LATS1: variants seen among roughly 807,000 people sequenced by gnomAD.
LATS1 encodes serine/threonine-protein kinase LATS1.
A neutral mutation model predicts 106.6 loss-of-function variants in LATS1; 25 were observed. That is an observed-to-expected ratio of 0.23 (90% CI 0.17 to 0.33). The LOEUF (loss-of-function observed/expected upper bound fraction) is 0.33, where lower values mean the gene tolerates loss of function less well. LATS1 is among the 10% of genes least tolerant of loss of function. The pLI is 1.00. For synonymous variants in LATS1, 465 were observed against 455.6 expected (o/e 1.02, Z -0.26); for missense variants, 1,040 against 1,382.6 (o/e 0.75, Z 3.93).
At chr6:149,684,807 T>C (rs1446798952) in intron 3 of LATS1, among the ~76,000 whole-genome samples, 1 of 152,136 alleles carries the variant, frequency 6.6e-6, no homozygotes, top group Non-Finnish European at 1.5e-5. Flanking sequence ...AGAGTAAATT[T>C]GAAGTATTCT....
rs549676035 is a variant in LATS1 at position 149,698,563 on chromosome 6, T to C, written c.348+3216A>G. On this transcript the variant is annotated intron_variant, in intron 2 of 7. Transcript: ENST00000543571. ...ACCCAGCCAGAAGTCTTTTTTTTTT[T>C]TTTTTGAGGCAGAGTCTCACTCTGT... Among the ~76,000 whole-genome samples the C allele has an allele frequency of 1.1e-4, 16 of 150,670 alleles. No individual in the cohort carries two copies. The South Asian group carries it at 2.5e-3, about 24-fold the overall frequency.
chr6:149,665,014 T>C (rs1781068895), intron 7 of LATS1, among the ~76,000 whole-genome samples: 1 of 152,148 alleles, frequency 6.6e-6, no homozygotes, highest in South Asian at 2.1e-4. Context: ...TAAGAGCCAG[T>C]ATGCACCTAA....
chr6:149,691,312 G>A (rs1197472528), intron 3 of LATS1, among the ~76,000 whole-genome samples: 1 of 152,164 alleles, frequency 6.6e-6, no homozygotes, highest in Non-Finnish European at 1.5e-5. Flanking sequence ...CCATCTGCAA[G>A]CCAAGGAGAA....
chr6:149,679,700 C>G (rs185270364), intron 5 of LATS1, among the ~76,000 whole-genome samples, 175 bp downstream of exon 5: 2 of 152,122 alleles, frequency 1.3e-5, no homozygotes, highest in African/African-American at 4.8e-5. Flanking sequence ...CTAGCACATT[C>G]TTTCATTTCA....
At chr6:149,697,015 T>C (rs533990709) in intron 2 of LATS1, 110 of 579,620 alleles carry the variant, frequency 1.9e-4, no homozygotes, top group African/African-American at 1.9e-3. Context: ...CTTTATGTTT[T>C]ATATAAACAT....
At chr6:149,707,899 CA>C (rs1182180174) in intron 1 of LATS1, among the ~76,000 whole-genome samples, 9 of 152,082 alleles carry the variant, frequency 5.9e-5, no homozygotes, top group African/African-American at 2.2e-4. Flanking sequence ...TTTTTAGAGA[CA>C]GGGGCTCACC....
At chr6:149,717,054 T>C (rs1784435613) in intron 1 of LATS1, among the ~76,000 whole-genome samples, 1 of 152,238 alleles carries the variant, frequency 6.6e-6, no homozygotes, top group Admixed American at 6.5e-5. Flanking sequence ...AAACTGGAGT[T>C]ATACAATATT....
intron 1 of LATS1, among the ~76,000 whole-genome samples, chr6:149,712,188 T>C (rs750144158): frequency 5.9e-5 from 9 of 152,022 alleles, no homozygotes; most frequent in Non-Finnish European, 1.3e-4. Context: ...AGGTGTCATG[T>C]TTCTTTTATT....
chr6:149,687,870 CCT>C (rs1214929818), intron 3 of LATS1, among the ~76,000 whole-genome samples: 35 of 148,894 alleles, frequency 2.4e-4, no homozygotes, highest in African/African-American at 7.9e-4. Flanking sequence ...ACTTGACCCT[CCT>C]CTTTTTTTTT....
rs777991422 is a variant in LATS1 at position 149,695,103 on chromosome 6, G to C, written c.467C>G (p.Ala156Gly). 10 of 1,608,406 alleles carry C rather than the reference G, an allele frequency of 6.2e-6. No individual in the cohort carries two copies. In the African/African-American group the frequency reaches 1.3e-4, roughly 22 times the overall value. Residue 156 changes from alanine to glycine, a missense_variant, in exon 3 of 8, where the codon GCC becomes GGC. Physicochemically the swap from Ala to Gly is moderately conservative, Grantham distance 60 (BLOSUM62 0). Transcript: ENST00000543571. Reference protein sequence around the residue: ...PRREQMAAAAARPINASMKPG... With the variant: ...PRREQMAAAAGRPINASMKPG... ...TTTCATGCTGGCATTAATAGGTCTG[G>C]CAGCTGCTGCAGCCATCTGCTCTCG...
chr6:149,718,024 C>A lies in LATS1; in HGVS notation c.-316G>T. ...TCCCAGGGGTCGTGAGGACCTGGCT[C>A]TCCCCTTAACACCAGGCCACCGCCG... is the stretch of plus-strand genomic sequence containing the variant. On this transcript the variant is annotated 5_prime_UTR_variant, in exon 1 of 8. Coordinates refer to ENST00000543571, the MANE Select transcript of LATS1 (RefSeq NM_004690.4). The A allele has an allele frequency of 2.8e-6, 1 of 351,578 alleles. No individual in the cohort carries two copies. Among genetic ancestry groups the A allele is most frequent in the Non-Finnish European group, 5.4e-6 (1 of 183,702 alleles). The allele number at this position is 351,578 out of a possible 1,614,324, so 21.8% of individuals were successfully genotyped here. A position where few individuals can be genotyped will look rare whatever the true frequency, so the allele number is the denominator to read the frequency against.
At chr6:149,705,804 T>C (rs1183018606) in intron 1 of LATS1, among the ~76,000 whole-genome samples, 7 of 151,932 alleles carry the variant, frequency 4.6e-5, no homozygotes, top group African/African-American at 1.7e-4. Flanking sequence ...TATAAATATA[T>C]ACAGTAGGAA....
intron 7 of LATS1, among the ~76,000 whole-genome samples, chr6:149,675,461 T>A (rs1781666610): frequency 6.6e-6 from 1 of 152,116 alleles, no homozygotes; most frequent in Non-Finnish European, 1.5e-5. Context: ...GATATAAACA[T>A]TTGTTTGTAG....
chr6:149,701,916 A>G lies in LATS1; in HGVS notation c.211T>C (p.Phe71Leu). ...TGCAAGGCTTTATGATGCGTCCCAA[A>G]TTTGGGTGGATTTCTGACTTGTCGA... is the stretch of plus-strand genomic sequence containing the variant. ...DPRQVRNPPK[F>L]GTHHKALQEI... Residue 71 changes from phenylalanine to leucine, a missense_variant, in exon 2 of 8, where the codon TTT becomes CTT. Around this residue, in one of 7 missense-constraint regions of LATS1, gnomAD observed 624 missense variants for 714.8 expected, o/e 0.87. Coordinates refer to ENST00000543571, the MANE Select transcript of LATS1 (RefSeq NM_004690.4). The G allele has an allele frequency of 6.2e-7, 1 of 1,614,126 alleles. No individual in the cohort carries two copies. The highest frequency in any genetic ancestry group is 8.5e-7 in the Non-Finnish European group (1 of 1,180,014).
chr6:149,707,011 C>CTTTT lies in LATS1; in HGVS notation c.-140-4749_-140-4746dup, dbSNP rs745424840. On this transcript the variant is annotated intron_variant, in intron 1 of 7. Transcript: ENST00000543571. The stretch of plus-strand genomic sequence containing the variant: ...TCATAATACACAAAACTGGACATCT[C>CTTTT]TTTTTTTTTTTTTTTTTTTTTGAAG... Among the ~76,000 whole-genome samples, 40 of 110,422 alleles carry CTTTT rather than the reference C, an allele frequency of 3.6e-4. 2 individuals are homozygous for CTTTT. Among genetic ancestry groups the CTTTT allele is most frequent in the Middle Eastern group, 0.01 (2 of 192 alleles). The allele number at this position is 110,422 out of a possible 152,430, so 72.4% of individuals were successfully genotyped here.
chr6:149,695,610 G>A (rs374010505), intron 2 of LATS1, among the ~76,000 whole-genome samples: 1 of 151,656 alleles, frequency 6.6e-6, no homozygotes, highest in East Asian at 1.9e-4. Context: ...CTGGGAGGTG[G>A]ATGTTGCAGC....
intron 2 of LATS1, among the ~76,000 whole-genome samples, chr6:149,698,279 T>C (rs2114931212): frequency 6.6e-6 from 1 of 151,806 alleles, no homozygotes; most frequent in African/African-American, 2.4e-5. Context: ...GGTCTTGCTC[T>C]GTTGCCCAGG....
At position 149,684,607 on chromosome 6, in the gene LATS1, G is replaced by C. The variant is rs1369243264; in HGVS notation, c.497-15C>G. The C allele has an allele frequency of 2.7e-6, 4 of 1,500,822 alleles. 1 individual carries two copies. In the South Asian group the frequency reaches 5.5e-5, roughly 21 times the overall value. 93.0% of individuals were successfully genotyped at this position (1,500,822 alleles called of 1,614,324 possible). A position where few individuals can be genotyped will look rare whatever the true frequency, so the allele number is the denominator to read the frequency against. ...CTGCACATTCCCTATGGTTATAAGA[G>C]AGATAAAGAGAAAAAAGAATCATGT... On this transcript the variant is annotated splice_polypyrimidine_tract_variant and intron_variant, in intron 3 of 7. Coordinates refer to ENST00000543571, the MANE Select transcript of LATS1 (RefSeq NM_004690.4).
At chr6:149,702,828 C>A (rs575443437) in intron 1 of LATS1, among the ~76,000 whole-genome samples, 1 of 152,110 alleles carries the variant, frequency 6.6e-6, no homozygotes, top group Non-Finnish European at 1.5e-5. Context: ...CCCGCCACCA[C>A]GCCCAGCTAA....
Sources: gnomAD v4.1 joint callset for allele counts (sites outside exome capture counted in the v4.1 genomes callset) on GRCh38, gnomAD v4.1.1 for gene constraint, gnomAD v4.1.1 regional missense constraint, MANE v1.5 for transcripts, NCBI Gene and HGNC (gene_info 2026-07-23, HGNC 2026-07-21) for gene names.